STK31: variants seen among roughly 807,000 people sequenced by gnomAD.
STK31 encodes serine/threonine-protein kinase 31.
A neutral mutation model predicts 129.7 loss-of-function variants in STK31; 89 were observed. The observed-to-expected ratio is 0.69, with a 90% CI of 0.58 to 0.82. STK31 has a LOEUF of 0.82. STK31 is among the 40% of genes least tolerant of loss of function. The probability of loss-of-function intolerance (pLI) is 0.00; values close to 1 mark genes in which losing one functional copy is unlikely to be tolerated. For missense variants in STK31, 1,187 were observed against 1,176.4 expected (o/e 1.01, Z -0.13); for synonymous variants, 448 against 395.3 (o/e 1.13, Z -1.58).
Position 23,832,490 on chromosome 7 carries a change from A to G in STK31, c.*124A>G, listed in dbSNP as rs1794623080. 1 of 725,136 alleles carries G rather than the reference A, an allele frequency of 1.4e-6. No individual in the cohort carries two copies. Among genetic ancestry groups the G allele is most frequent in the Non-Finnish European group, 2.3e-6 (1 of 439,922 alleles). 44.9% of individuals were successfully genotyped at this position (725,136 alleles called of 1,614,324 possible). ...CTTTAGTATTCAGGTTGTGAAAAAT[A>G]AAGATGTTTGGCTATGCACAAAATA... is the stretch of plus-strand genomic sequence containing the variant. On this transcript the variant is annotated 3_prime_UTR_variant, in exon 24 of 24. Coordinates refer to ENST00000355870, the MANE Select transcript of STK31 (RefSeq NM_031414.5).
chr7:23,749,686 CA>C (rs1335638461), intron 8 of STK31, among the ~76,000 whole-genome samples: 1 of 151,950 alleles, frequency 6.6e-6, no homozygotes, highest in Non-Finnish European at 1.5e-5. Flanking sequence ...TATGATATAT[CA>C]GGTAAAAAAG....
chr7:23,776,167 A>G (rs962936203), intron 15 of STK31, among the ~76,000 whole-genome samples: 3 of 152,280 alleles, frequency 2.0e-5, no homozygotes, highest in Admixed American at 6.5e-5. Flanking sequence ...GTTGCATCCC[A>G]GGGATGAAGC....
intron 15 of STK31, among the ~76,000 whole-genome samples, chr7:23,772,959 A>G (rs1790292930): frequency 6.6e-6 from 1 of 152,132 alleles, no homozygotes; most frequent in African/African-American, 2.4e-5. Flanking sequence ...TAGAACTAAT[A>G]TCATAGTTGA....
chr7:23,831,420 A>G (rs1310895822), intron 23 of STK31, among the ~76,000 whole-genome samples: 1 of 152,142 alleles, frequency 6.6e-6, no homozygotes, highest in Non-Finnish European at 1.5e-5. Flanking sequence ...ATACAAGTAT[A>G]GTTACACCTG....
intron 22 of STK31, among the ~76,000 whole-genome samples, chr7:23,803,114 T>C (rs1450201952): frequency 6.6e-6 from 1 of 152,214 alleles, no homozygotes; most frequent in Non-Finnish European, 1.5e-5. Flanking sequence ...TCAAGTTCTT[T>C]TTTACAACAG....
chr7:23,710,236 G>T lies in STK31; in HGVS notation c.-50G>T. 2 of 1,590,378 alleles carry T rather than the reference G, an allele frequency of 1.3e-6. No homozygotes were observed. Among genetic ancestry groups the T allele is most frequent in the African/African-American group, 1.4e-5 (1 of 73,714 alleles). The stretch of plus-strand genomic sequence containing the variant: ...GGGCCCTTGCGGTCGAAGCTCACGC[G>T]GTAAGCCGCTGCACGTGTGCTACGG... On this transcript the variant is annotated 5_prime_UTR_variant, in exon 1 of 24. Coordinates refer to ENST00000355870, the MANE Select transcript of STK31 (RefSeq NM_031414.5).
intron 23 of STK31, among the ~76,000 whole-genome samples, chr7:23,824,129 G>A (rs892456795): frequency 6.6e-6 from 1 of 152,142 alleles, no homozygotes; most frequent in Non-Finnish European, 1.5e-5. Flanking sequence ...TTCCAATTCT[G>A]TGAAGAAAGT....
rs532353279 is a variant in STK31, at chr7:23,790,974, C to T, written c.2760+28C>T. 5.6e-6 allele frequency: 8 copies of T among 1,440,998 alleles called. No individual in the cohort carries two copies. In the Admixed American group the frequency reaches 1.3e-4, roughly 23 times the overall value. The allele number at this position is 1,440,998 out of a possible 1,614,324, so 89.3% of individuals were successfully genotyped here. A position where few individuals can be genotyped will look rare whatever the true frequency, so the allele number is the denominator to read the frequency against. On this transcript the variant is annotated intron_variant, in intron 22 of 23. Coordinates refer to ENST00000355870, the MANE Select transcript of STK31 (RefSeq NM_031414.5). ...ATGTTATTTTTTTGTTGAAATAGATCATATATATATATATTTCAGTATATA... is the reference window on the plus strand; with the variant it reads ...ATGTTATTTTTTTGTTGAAATAGATTATATATATATATATTTCAGTATATA...
chr7:23,827,976 C>T (rs946942587), intron 23 of STK31, among the ~76,000 whole-genome samples: 7 of 152,078 alleles, frequency 4.6e-5, no homozygotes, highest in Non-Finnish European at 8.8e-5. Context: ...GAGGAGTACC[C>T]GGCTGTGTGA....
chr7:23,710,761 C>A, intron 1 of STK31: 1 of 1,038,430 alleles, frequency 9.6e-7, no homozygotes, highest in Non-Finnish European at 1.2e-6. Context: ...TCAGTGCCTT[C>A]ATAATCAGGG....
chr7:23,786,668 T>G, intron 19 of STK31, 35 bp downstream of exon 19: 5 of 1,593,544 alleles, frequency 3.1e-6, no homozygotes, highest in Non-Finnish European at 4.3e-6. Flanking sequence ...GCAGAAACCA[T>G]TTTATCTTGC....
At chr7:23,745,389 G>A (rs947503158) in intron 8 of STK31, among the ~76,000 whole-genome samples, 5 of 152,186 alleles carry the variant, frequency 3.3e-5, no homozygotes, top group African/African-American at 9.7e-5. Flanking sequence ...AGTGGGGGTG[G>A]CAGTGGTTGC....
chr7:23,741,129 G>A (rs1221739083), intron 8 of STK31, among the ~76,000 whole-genome samples: 1 of 152,140 alleles, frequency 6.6e-6, no homozygotes, highest in East Asian at 1.9e-4. Flanking sequence ...GTCTCTTTAA[G>A]TTGTTGCTCT....
At chr7:23,719,176 C>G (rs1252739596) in intron 4 of STK31, among the ~76,000 whole-genome samples, 2 of 151,550 alleles carry the variant, frequency 1.3e-5, no homozygotes, top group African/African-American at 4.8e-5. Flanking sequence ...ATTTTTGTTT[C>G]TACCTCTTAA....
chr7:23,788,434 G>T (rs1032768462), intron 21 of STK31, among the ~76,000 whole-genome samples: 17 of 152,114 alleles, frequency 1.1e-4, no homozygotes, highest in Non-Finnish European at 2.4e-4. Context: ...AAACTAGGTG[G>T]CCATCTCCTA....
At chr7:23,817,033 A>C (rs1793508207) in intron 23 of STK31, among the ~76,000 whole-genome samples, 1 of 152,062 alleles carries the variant, frequency 6.6e-6, no homozygotes. Flanking sequence ...TAAAAATACA[A>C]AAAAATTAGC....
intron 9 of STK31, 21 bp downstream of exon 9, chr7:23,752,853 C>A: frequency 6.7e-7 from 1 of 1,485,426 alleles, no homozygotes; most frequent in Non-Finnish European, 9.3e-7. Flanking sequence ...GCATATTTTT[C>A]AGAAGGATAT....
At chr7:23,748,200 C>G (rs1392077629) in intron 8 of STK31, among the ~76,000 whole-genome samples, 1 of 152,090 alleles carries the variant, frequency 6.6e-6, no homozygotes, top group Non-Finnish European at 1.5e-5. Flanking sequence ...TCTTCTTTGA[C>G]TCATGTGTTA....
chr7:23,750,577 G>C (rs1788652924), intron 8 of STK31, among the ~76,000 whole-genome samples: 1 of 151,988 alleles, frequency 6.6e-6, no homozygotes, highest in African/African-American at 2.4e-5. Flanking sequence ...TTCTTTCTAA[G>C]CATTGCTTTA....
Sources: allele counts gnomAD v4.1 joint callset (sites outside exome capture counted in the v4.1 genomes callset), GRCh38; gene constraint gnomAD v4.1.1; transcripts MANE v1.5; gene names NCBI Gene and HGNC (gene_info 2026-07-23, HGNC 2026-07-21).